RABGAP1: variants seen among roughly 807,000 people sequenced by gnomAD.
RABGAP1 encodes rab GTPase-activating protein 1.
RABGAP1 carries 23 observed loss-of-function variants against 137.6 expected under a neutral mutation model. The observed-to-expected ratio is 0.17, with a 90% CI of 0.12 to 0.24. RABGAP1 has a LOEUF of 0.24. RABGAP1 is among the 10% of genes least tolerant of loss of function. RABGAP1 has a pLI of 1.00. For missense variants in RABGAP1, 906 were observed against 1,275.8 expected, an observed-to-expected ratio of 0.71 and a Z score of 4.42; for synonymous variants, 451 against 450.7, an observed-to-expected ratio of 1.00 and a Z score of -0.01.
intron 17 of RABGAP1, 75 bp from the exon 18 acceptor site, chr9:123,076,170 T>G: frequency 7.1e-7 from 1 of 1,406,376 alleles, no homozygotes; most frequent in East Asian, 2.4e-5. Context: ...TTTAAAAATG[T>G]GGGGTATAAG....
At chr9:122,963,908 T>C (rs972076484) in intron 2 of RABGAP1, among the ~76,000 whole-genome samples, 2 of 152,112 alleles carry the variant, frequency 1.3e-5, no homozygotes, top group African/African-American at 4.8e-5. Context: ...GAATCATAAA[T>C]GAAAGGGAAT....
At chr9:123,009,869 G>A (rs2030644191) in intron 10 of RABGAP1, among the ~76,000 whole-genome samples, 1 of 152,114 alleles carries the variant, frequency 6.6e-6, no homozygotes, top group African/African-American at 2.4e-5. Flanking sequence ...AAGGAGTGGG[G>A]ATAAAACACT....
intron 19 of RABGAP1, among the ~76,000 whole-genome samples, chr9:123,077,527 T>C (rs1292598396): frequency 6.6e-6 from 1 of 152,214 alleles, no homozygotes; most frequent in East Asian, 1.9e-4. Context: ...CTCAGTTTTA[T>C]CACTTCAAGT....
chr9:123,043,423 T>C (rs2033048050), intron 13 of RABGAP1, among the ~76,000 whole-genome samples: 1 of 152,096 alleles, frequency 6.6e-6, no homozygotes, highest in African/African-American at 2.4e-5. Context: ...TTTGTGAGAT[T>C]TTTAGGGGAA....
intron 13 of RABGAP1, chr9:123,029,256 A>G: frequency 6.1e-6 from 3 of 488,884 alleles, no homozygotes; most frequent in South Asian, 5.2e-5. Context: ...TGACAGTTAC[A>G]TAAATAAACT....
chr9:123,035,155 A>T, intron 13 of RABGAP1: 1 of 1,613,906 alleles, frequency 6.2e-7, no homozygotes, highest in Non-Finnish European at 8.5e-7. Context: ...GTTCATCGTG[A>T]TGATGTTATA....
chr9:122,975,422 A>C lies in RABGAP1; in HGVS notation c.151-9063A>C, dbSNP rs1205060514. On this transcript the variant is annotated intron_variant, in intron 2 of 25. Coordinates refer to ENST00000373647, the MANE Select transcript of RABGAP1 (RefSeq NM_012197.4). Reference sequence around the variant, plus strand: ...TTGGAACATTTTGTCCTTTGGTTCCATAAATGCAATTTTGCTCTCAAGGAA... The same window carrying C: ...TTGGAACATTTTGTCCTTTGGTTCCCTAAATGCAATTTTGCTCTCAAGGAA... Among the ~76,000 whole-genome samples the C allele has an allele frequency of 2.0e-5, 3 of 152,248 alleles. No homozygotes were observed. In the East Asian group the frequency reaches 5.8e-4, roughly 29 times the overall value.
At chr9:123,038,829 G>A (rs1588314279) in intron 13 of RABGAP1, among the ~76,000 whole-genome samples, 2 of 151,732 alleles carry the variant, frequency 1.3e-5, no homozygotes, top group Non-Finnish European at 1.5e-5. Flanking sequence ...GAGTCATTTG[G>A]CCTTTCTTCA....
chr9:123,101,951 T>G (rs556124753), intron 25 of RABGAP1, among the ~76,000 whole-genome samples, 188 bp downstream of exon 25: 3 of 152,314 alleles, frequency 2.0e-5, no homozygotes, highest in African/African-American at 7.2e-5. Flanking sequence ...TGGCCTGTCT[T>G]GAGGATTTCC....
rs143675509 is a variant in RABGAP1 at position 122,950,986 on chromosome 9, G to A, written c.-49-6025G>A. 3.9e-5 allele frequency among the ~76,000 whole-genome samples: 6 copies of A among 152,284 alleles called. No individual in the cohort carries two copies. The East Asian group carries it at 9.6e-4, about 24-fold the overall frequency. ...AGCATTTTCATTTACTTCAGCAGGT[G>A]GAAGTAAGAAATAATTCTTTGGGTT... On this transcript the variant is annotated intron_variant, in intron 1 of 25. Transcript: ENST00000373647.
intron 13 of RABGAP1, among the ~76,000 whole-genome samples, chr9:123,057,764 T>C (rs936176197): frequency 4.6e-5 from 7 of 152,158 alleles, no homozygotes; most frequent in East Asian, 1.9e-4. Context: ...CTGGGCACCA[T>C]TGAGCACTGA....
chr9:122,984,773 A>T (rs1836279470), intron 3 of RABGAP1, 54 bp downstream of exon 3: 1 of 1,491,588 alleles, frequency 6.7e-7, no homozygotes, highest in Non-Finnish European at 9.2e-7. Context: ...TTAATATGTG[A>T]GTGTCCACCC....
At chr9:122,974,537 C>T (rs1835665285) in intron 2 of RABGAP1, among the ~76,000 whole-genome samples, 1 of 150,288 alleles carries the variant, frequency 6.7e-6, no homozygotes, top group South Asian at 2.1e-4. Flanking sequence ...TGCCTGTAAT[C>T]CCAACACACT....
chr9:123,003,685 GTTATA>G (rs1350551954), intron 10 of RABGAP1, among the ~76,000 whole-genome samples: 1 of 152,144 alleles, frequency 6.6e-6, no homozygotes, highest in East Asian at 1.9e-4. Flanking sequence ...CTGTGAGACT[GTTATA>G]TTAAGATAGC....
intron 6 of RABGAP1, among the ~76,000 whole-genome samples, chr9:122,991,769 A>T (rs931099076): frequency 1.3e-5 from 2 of 150,984 alleles, no homozygotes; most frequent in South Asian, 4.2e-4. Context: ...TGTCTGGCTA[A>T]TTTTTTTTTA....
chr9:123,058,629 G>A (rs1257582916), intron 13 of RABGAP1, among the ~76,000 whole-genome samples: 1 of 152,096 alleles, frequency 6.6e-6, no homozygotes, highest in Non-Finnish European at 1.5e-5. Context: ...ATTTTAGCAT[G>A]AGGCGTTAAT....
intron 13 of RABGAP1, among the ~76,000 whole-genome samples, chr9:123,030,212 T>C (rs187949924): frequency 6.8e-6 from 1 of 146,496 alleles, no homozygotes; most frequent in African/African-American, 2.8e-5. Context: ...CCATTTTGAG[T>C]TAGATTGAGT....
Position 122,984,603 on chromosome 9 carries a change from G to A in RABGAP1, c.269G>A (p.Gly90Asp), listed in dbSNP as rs1836268362. 6.2e-7 allele frequency: 1 copy of A among 1,614,068 alleles called. No individual in the cohort carries two copies. The highest frequency in any genetic ancestry group is 8.5e-7 in the Non-Finnish European group (1 of 1,180,042). The stretch of plus-strand genomic sequence containing the variant: ...CTTGTGAAAAGGTCACAACTGGATG[G>A]TGAAGGAGATGGGCCTCTTTCTAAT... ...KELVKRSQLD[G>D]EGDGPLSNQL... The change falls in exon 3 of 26, where the codon GGT (glycine) becomes GAT (aspartate). Residue 90 changes from glycine to aspartate, a missense_variant. Physicochemically the swap from Gly to Asp is moderately conservative, Grantham distance 94. Around this residue, in one of 9 missense-constraint regions of RABGAP1, gnomAD observed 331 missense variants for 358.3 expected, o/e 0.92. Coordinates refer to ENST00000373647, the MANE Select transcript of RABGAP1 (RefSeq NM_012197.4).
intron 1 of RABGAP1, among the ~76,000 whole-genome samples, chr9:122,953,444 C>T (rs555801782): frequency 4.1e-4 from 62 of 151,698 alleles, no homozygotes; most frequent in African/African-American, 1.4e-3. Context: ...GCTCTGTTGC[C>T]AGGCTGGAGT....
Sources: gnomAD v4.1 joint callset for allele counts (sites outside exome capture counted in the v4.1 genomes callset) on GRCh38, gnomAD v4.1.1 for gene constraint, gnomAD v4.1.1 regional missense constraint, MANE v1.5 for transcripts, NCBI Gene and HGNC (gene_info 2026-07-23, HGNC 2026-07-21) for gene names.